Variants in DCDC2C observed in about 807,000 individuals in gnomAD.
The protein encoded by DCDC2C is doublecortin domain-containing protein 2C.
In DCDC2C, 44 loss-of-function variants were observed where a neutral mutation model predicts 45.0. That is an observed-to-expected ratio of 0.98 (90% CI 0.77 to 1.26). DCDC2C has a LOEUF of 1.26. Ranked by LOEUF, DCDC2C falls within the 50% of genes most tolerant of loss-of-function variation. The probability of loss-of-function intolerance (pLI) is 0.00; values close to 1 mark genes in which losing one functional copy is unlikely to be tolerated. For synonymous variants in DCDC2C, 187 were observed against 178.8 expected (o/e 1.05, Z -0.37); for missense variants, 447 against 468.9 (o/e 0.95, Z 0.43).
intron 7 of DCDC2C, chr2:3,768,959 T>C (rs546159253): frequency 5.1e-6 from 1 of 195,410 alleles, no homozygotes; most frequent in South Asian, 1.5e-4. Context: ...CGGAATTAAC[T>C]GGACCAAGGC....
chr2:3,766,310 GCACACA>G (rs61471003), intron 6 of DCDC2C, among the ~76,000 whole-genome samples: 12 of 146,154 alleles, frequency 8.2e-5, no homozygotes, highest in African/African-American at 3.0e-4. Context: ...ACACACACAC[GCACACA>G]CACACACACA....
rs1319490584 is a variant in DCDC2C, at chr2:3,708,616, T to C, written c.339+16T>C. The C allele has an allele frequency of 2.6e-6, 4 of 1,538,848 alleles. No homozygotes were observed. The highest frequency in any genetic ancestry group is 2.6e-6 in the Non-Finnish European group (3 of 1,138,766). ...GTTGAAGGAAGTAAGTGTTTGCTTC[T>C]AACAACTAATAATGGAATAAATTGG... On this transcript the variant is annotated intron_variant, in intron 2 of 10. Coordinates refer to ENST00000399143, the MANE Select transcript of DCDC2C (RefSeq NM_001287444.2).
chr2:3,720,286 C>T (rs1226514460), intron 2 of DCDC2C, among the ~76,000 whole-genome samples: 4 of 152,142 alleles, frequency 2.6e-5, no homozygotes, highest in African/African-American at 4.8e-5. Context: ...GAGTCAGCTG[C>T]GGAAAGTATC....
chr2:3,741,973 A>G lies in DCDC2C; in HGVS notation c.470A>G (p.Lys157Arg), dbSNP rs903684423. Residue 157 changes from lysine (K) to arginine (R), a missense_variant, in exon 4 of 11, where the codon AAA becomes AGA. By Grantham distance (26) the Lys-to-Arg change is conservative. Transcript: ENST00000399143. ...FIPPAKIIIP[K>R]FSLSDWDIVL... ...CCACCTGCAAAAATCATTATACCCA[A>G]ATTTAGTCTGTCCGATTGGGACATC... is the stretch of plus-strand genomic sequence containing the variant. 6.5e-7 allele frequency: 1 copy of G among 1,548,982 alleles called. No individual in the cohort carries two copies. Among genetic ancestry groups the G allele is most frequent in the African/African-American group, 1.4e-5 (1 of 73,000 alleles).
chr2:3,718,539 C>A (rs547885523), intron 2 of DCDC2C, among the ~76,000 whole-genome samples: 1 of 152,194 alleles, frequency 6.6e-6, no homozygotes, highest in Non-Finnish European at 1.5e-5. Context: ...GTGAACCTCA[C>A]CTGTGTTCAG....
intron 4 of DCDC2C, among the ~76,000 whole-genome samples, chr2:3,746,213 A>C (rs931521413): frequency 9.9e-5 from 15 of 152,162 alleles, no homozygotes; most frequent in African/African-American, 3.6e-4. Context: ...CTTGAGAGGG[A>C]GCACACGGCC....
At chr2:3,800,005 C>A (rs1489528792) in intron 10 of DCDC2C, among the ~76,000 whole-genome samples, 1 of 152,202 alleles carries the variant, frequency 6.6e-6, no homozygotes, top group Non-Finnish European at 1.5e-5. Flanking sequence ...GACTGCTGTG[C>A]TAGCAATCAG....
chr2:3,784,830 A>G (rs1403828598), intron 9 of DCDC2C, among the ~76,000 whole-genome samples: 1 of 152,232 alleles, frequency 6.6e-6, no homozygotes, highest in East Asian at 1.9e-4. Context: ...GATGTACATA[A>G]AAACAAAGAA....
chr2:3,751,393 G>A (rs1669536850), intron 4 of DCDC2C, among the ~76,000 whole-genome samples: 1 of 152,226 alleles, frequency 6.6e-6, no homozygotes, highest in Non-Finnish European at 1.5e-5. Flanking sequence ...GGAAGCCTCT[G>A]CTCCAGGTGG....
At chr2:3,793,695 G>C (rs185941079) in intron 10 of DCDC2C, among the ~76,000 whole-genome samples, 8 of 152,294 alleles carry the variant, frequency 5.3e-5, no homozygotes, top group Admixed American at 1.3e-4. Context: ...CAAATAGCAG[G>C]CATCCAGTGT....
chr2:3,713,234 T>TGTTCA lies in DCDC2C; in HGVS notation c.339+4635_339+4639dup, dbSNP rs551658055. On this transcript the variant is annotated intron_variant, in intron 2 of 10. Coordinates refer to ENST00000399143, the MANE Select transcript of DCDC2C (RefSeq NM_001287444.2). Reference sequence around the variant, plus strand: ...CATCGTAGGAATTTTTTCTGATAGATGTTCAAGCCCTTACATCACAGAAGG... The same window carrying TGTTCA: ...CATCGTAGGAATTTTTTCTGATAGATGTTCAGTTCAAGCCCTTACATCACAGAAGG... 2.9e-3 allele frequency among the ~76,000 whole-genome samples: 447 copies of TGTTCA among 152,330 alleles called. 3 individuals are homozygous for TGTTCA. Among genetic ancestry groups the TGTTCA allele is most frequent in the African/African-American group, 0.01 (432 of 41,584 alleles).
chr2:3,712,264 C>G (rs368212780), intron 2 of DCDC2C, among the ~76,000 whole-genome samples: 1 of 152,104 alleles, frequency 6.6e-6, no homozygotes, highest in Non-Finnish European at 1.5e-5. Context: ...GAAGGCTGCC[C>G]GTCACTCCCA....
At position 3,816,871 on chromosome 2, in the gene DCDC2C, C is replaced by T. The variant is rs184017406; in HGVS notation, c.1066-30283C>T. On this transcript the variant is annotated intron_variant, in intron 10 of 10. Coordinates refer to ENST00000399143, the MANE Select transcript of DCDC2C (RefSeq NM_001287444.2). ...AGGAGTAGTAGAATAGCAGATGGAA[C>T]ACTGAGAAGTGATTTCCTTGAGGAT... is the stretch of plus-strand genomic sequence containing the variant. Among the ~76,000 whole-genome samples, 140 of 152,236 alleles carry T rather than the reference C, an allele frequency of 9.2e-4. 1 individual carries two copies. The highest frequency in any genetic ancestry group is 1.7e-3 in the Non-Finnish European group (113 of 68,022).
chr2:3,792,626 A>G lies in DCDC2C; in HGVS notation c.1065+7526A>G, dbSNP rs778610592. 2.0e-5 allele frequency among the ~76,000 whole-genome samples: 3 copies of G among 152,312 alleles called. No homozygotes were observed. The South Asian group carries it at 6.2e-4, about 32-fold the overall frequency. On this transcript the variant is annotated intron_variant, in intron 10 of 10. Coordinates refer to ENST00000399143, the MANE Select transcript of DCDC2C (RefSeq NM_001287444.2). ...AACATAGACCTGGTTGTAAATATAA[A>G]TTTTGGACACAAAAAGTAACATTTC... is the stretch of plus-strand genomic sequence containing the variant.
Position 3,725,621 on chromosome 2 carries a change from GCC to G in DCDC2C, c.340-1381_340-1380del, listed in dbSNP as rs1668639254. ...GCCAGGTGGATCCTGGAGGGAGACC[GCC>G]AGAGTGACGAGGATGGCCAGGTGGA... On this transcript the variant is annotated intron_variant, in intron 2 of 10. Transcript: ENST00000399143. 1.3e-4 allele frequency among the ~76,000 whole-genome samples: 17 copies of G among 127,708 alleles called. 1 individual carries two copies. The highest frequency in any genetic ancestry group is 2.6e-4 in the East Asian group (1 of 3,898). 83.8% of individuals were successfully genotyped at this position (127,708 alleles called of 152,430 possible). A position where few individuals can be genotyped will look rare whatever the true frequency, so the allele number is the denominator to read the frequency against.
At chr2:3,843,259 C>T (rs560145988) in intron 10 of DCDC2C, among the ~76,000 whole-genome samples, 5 of 152,188 alleles carry the variant, frequency 3.3e-5, no homozygotes, top group Middle Eastern at 3.4e-3. Flanking sequence ...CAAAATGGAC[C>T]GCGCTGGGCC....
intron 8 of DCDC2C, among the ~76,000 whole-genome samples, chr2:3,770,063 G>A (rs1015120964): frequency 6.6e-6 from 1 of 152,200 alleles, no homozygotes; most frequent in Non-Finnish European, 1.5e-5. Context: ...ACCTGAGTGA[G>A]TCTCCAGCAC....
At chr2:3,790,803 CTT>C (rs1670784960) in intron 10 of DCDC2C, among the ~76,000 whole-genome samples, 2 of 152,112 alleles carry the variant, frequency 1.3e-5, no homozygotes, top group South Asian at 2.1e-4. Context: ...AGCAATGAAA[CTT>C]TTAGAAAATT....
At chr2:3,840,544 C>T (rs1672188207) in intron 10 of DCDC2C, among the ~76,000 whole-genome samples, 1 of 152,212 alleles carries the variant, frequency 6.6e-6, no homozygotes, top group African/African-American at 2.4e-5. Flanking sequence ...GTATTTTTTA[C>T]TGAAATCGGC....
Sources: allele counts gnomAD v4.1 joint callset (sites outside exome capture counted in the v4.1 genomes callset), GRCh38; gene constraint gnomAD v4.1.1; transcripts MANE v1.5; gene names NCBI Gene and HGNC (gene_info 2026-07-23, HGNC 2026-07-21).